GSG1L2: variants seen among roughly 807,000 people sequenced by gnomAD.
GSG1L2 encodes GSG1 like 2, also known as germ cell-specific gene 1-like protein 2.
GSG1L2 carries 15 observed loss-of-function variants against 9.0 expected under a neutral mutation model. The observed-to-expected ratio is 1.67, with a 90% CI of 1.12 to 2.57. GSG1L2 has a LOEUF of 2.57. Among genes scored for constraint, GSG1L2 ranks in the 30% most tolerant of loss-of-function variants. GSG1L2 has a pLI of 0.00. For missense variants in GSG1L2, 286 were observed against 150.3 expected, an observed-to-expected ratio of 1.90 and a Z score of -4.72; for synonymous variants, 127 against 57.9, an observed-to-expected ratio of 2.19 and a Z score of -5.41.
chr17:9,810,410 AT>A, intron 2 of GSG1L2, 160 bp downstream of exon 2: 1 of 615,932 alleles, frequency 1.6e-6, no homozygotes, highest in South Asian at 1.9e-5. Context: ...ACCACTGGCT[AT>A]AGGGCACAGG....
intron 4 of GSG1L2, 89 bp from the exon 5 acceptor site, chr17:9,802,733 A>G (rs766398728): frequency 1.5e-6 from 1 of 648,528 alleles, no homozygotes; most frequent in South Asian, 1.7e-5. Context: ...AATCTGGAGA[A>G]AACAACAGCT....
intron 4 of GSG1L2, 68 bp from the exon 5 acceptor site, chr17:9,802,712 G>C: frequency 3.0e-6 from 2 of 669,380 alleles, no homozygotes; most frequent in East Asian, 2.7e-5. Context: ...GTTTTCTCCA[G>C]ACTGGGGGTC....
Position 9,820,279 on chromosome 17 carries a change from T to C in GSG1L2, c.310+1483A>G, listed in dbSNP as rs2066583925. 6.6e-6 allele frequency among the ~76,000 whole-genome samples: 1 copy of C among 152,132 alleles called. No individual in the cohort carries two copies. Among genetic ancestry groups the C allele is most frequent in the African/African-American group, 2.4e-5 (1 of 41,436 alleles). On this transcript the variant is annotated intron_variant, in intron 1 of 4. Coordinates refer to ENST00000399363, the MANE Select transcript of GSG1L2 (RefSeq NM_001310219.2). The surrounding 1 kb of genome is among the most constrained non-coding windows in gnomAD (Gnocchi z 4.9). ...GTGGAAACAGAAGTACTATAGGCAG[T>C]CCTCATATGAGAACTTGGAAAGGAG...
At chr17:9,802,876 T>A (rs1266137762) in intron 4 of GSG1L2, among the ~76,000 whole-genome samples, 1 of 152,166 alleles carries the variant, frequency 6.6e-6, no homozygotes, top group African/African-American at 2.4e-5. Flanking sequence ...GGCCCCACCT[T>A]GTATTAACCA....
Position 9,820,656 on chromosome 17 carries a change from T to A in GSG1L2, c.310+1106A>T, listed in dbSNP as rs2066585470. ...GGGAGGGACATACAGCACCTCTGAG[T>A]GTTCCTTTTTTTTTTTTTTTAATTT... On this transcript the variant is annotated intron_variant, in intron 1 of 4. Coordinates refer to ENST00000399363, the MANE Select transcript of GSG1L2 (RefSeq NM_001310219.2). This position sits in a 1 kb window ranked among gnomAD's most constrained non-coding sequence, Gnocchi z 4.9. Among the ~76,000 whole-genome samples, 1 of 111,120 alleles carries A rather than the reference T, an allele frequency of 9.0e-6. No individual in the cohort carries two copies. Among genetic ancestry groups the A allele is most frequent in the South Asian group, 2.6e-4 (1 of 3,798 alleles). The allele number at this position is 111,120 out of a possible 152,430, so 72.9% of individuals were successfully genotyped here.
intron 1 of GSG1L2, among the ~76,000 whole-genome samples, chr17:9,816,761 G>A (rs1003050396): frequency 5.7e-5 from 6 of 104,946 alleles, no homozygotes; most frequent in Non-Finnish European, 9.3e-5. Context: ...GTGTATCTGT[G>A]TCTGTGTGTG....
At chr17:9,812,179 C>G (rs937909527) in intron 1 of GSG1L2, among the ~76,000 whole-genome samples, 1 of 152,138 alleles carries the variant, frequency 6.6e-6, no homozygotes, top group Non-Finnish European at 1.5e-5. Flanking sequence ...CTAAGCAACC[C>G]CAAGGGCAAG....
At chr17:9,805,416 G>A (rs1298538338) in intron 4 of GSG1L2, 1 of 152,100 alleles carries the variant, frequency 6.6e-6, no homozygotes, top group Non-Finnish European at 1.5e-5. Context: ...GAATCGTGTT[G>A]GACTCTTGAC....
intron 1 of GSG1L2, 65 bp downstream of exon 1, chr17:9,821,697 C>A: frequency 1.5e-6 from 1 of 676,950 alleles, no homozygotes; most frequent in Non-Finnish European, 2.7e-6. Flanking sequence ...ACCCAGACAG[C>A]CTGGCTCCAG....
chr17:9,809,403 A>C lies in GSG1L2; in HGVS notation c.359-421T>G, dbSNP rs147906435. 995 of 209,348 alleles carry C rather than the reference A, an allele frequency of 4.8e-3. 10 individuals are homozygous for C. The highest frequency in any genetic ancestry group is 0.022 in the African/African-American group (939 of 43,322). 13.0% of individuals were successfully genotyped at this position (209,348 alleles called of 1,614,324 possible). ...AGCTCTTAAAGGTGGCACAGACCCA[A>C]AGAGTGAGCGGTAGCAAGGTTTATT... On this transcript the variant is annotated intron_variant, in intron 2 of 4. Coordinates refer to ENST00000399363, the MANE Select transcript of GSG1L2 (RefSeq NM_001310219.2).
rs777683910 is a variant in GSG1L2, at chr17:9,822,016, A to C, written c.56T>G (p.Leu19Arg). 4 of 702,974 alleles carry C rather than the reference A, an allele frequency of 5.7e-6. No individual in the cohort carries two copies. In the South Asian group the frequency reaches 5.9e-5, roughly 10 times the overall value. 43.5% of individuals were successfully genotyped at this position (702,974 alleles called of 1,614,324 possible). A position where few individuals can be genotyped will look rare whatever the true frequency, so the allele number is the denominator to read the frequency against. The change falls in exon 1 of 5, where the codon CTC becomes CGC. Residue 19 changes from leucine (L) to arginine (R), a missense_variant. Coordinates refer to ENST00000399363, the MANE Select transcript of GSG1L2 (RefSeq NM_001310219.2). ...ALLLLPVCLA[L>R]TFSLTAVVSS... ...GACCACGGCGGTGAGGGAGAAGGTG[A>C]GGGCGAGGCAGACAGGGAGGAGGAG...
At chr17:9,811,623 A>G (rs1197149123) in intron 1 of GSG1L2, among the ~76,000 whole-genome samples, 4 of 152,158 alleles carry the variant, frequency 2.6e-5, no homozygotes, top group African/African-American at 9.7e-5. Context: ...CTCTCTACTA[A>G]CACGTCAGCC....
intron 1 of GSG1L2, among the ~76,000 whole-genome samples, chr17:9,811,451 G>GC (rs2066538526): frequency 1.3e-5 from 2 of 152,194 alleles, no homozygotes; most frequent in Admixed American, 6.5e-5. Flanking sequence ...AAAATCTTGA[G>GC]CCACAGCCTT....
chr17:9,812,185 G>T (rs914899825), intron 1 of GSG1L2, among the ~76,000 whole-genome samples: 1 of 152,140 alleles, frequency 6.6e-6, no homozygotes, highest in Admixed American at 6.5e-5. Context: ...AACCCCAAGG[G>T]CAAGGTTCAT....
At chr17:9,821,410 C>CGA (rs914442873) in intron 1 of GSG1L2, among the ~76,000 whole-genome samples, 3 of 143,628 alleles carry the variant, frequency 2.1e-5, no homozygotes, top group African/African-American at 9.0e-5. Flanking sequence ...CAAGAACAAA[C>CGA]GAGAAACTAA....
chr17:9,816,476 C>G (rs1163938643), intron 1 of GSG1L2, among the ~76,000 whole-genome samples: 2 of 135,818 alleles, frequency 1.5e-5, no homozygotes, highest in Admixed American at 1.4e-4. Context: ...GTGTGCGTGT[C>G]TGTGTGTGTG....
Position 9,808,985 on chromosome 17 carries a change from G to C in GSG1L2, c.359-3C>G, listed in dbSNP as rs1486906508. 2.8e-6 allele frequency: 2 copies of C among 702,898 alleles called. No individual in the cohort carries two copies. The highest frequency in any genetic ancestry group is 5.4e-5 in the East Asian group (2 of 37,308). 43.5% of individuals were successfully genotyped at this position (702,898 alleles called of 1,614,324 possible). ...CCCGATGGACAGCCACAAAACACCT[G>C]CCAAAGAACGGGATGTTGGAAACGC... On this transcript the variant is annotated splice_polypyrimidine_tract_variant and splice_region_variant and intron_variant, in intron 2 of 4. Transcript: ENST00000399363.
intron 1 of GSG1L2, among the ~76,000 whole-genome samples, chr17:9,816,103 G>A (rs1164384962): frequency 2.0e-5 from 3 of 152,160 alleles, no homozygotes; most frequent in South Asian, 2.1e-4. Flanking sequence ...GTGCTCCCTC[G>A]ACCGTGGATT....
intron 1 of GSG1L2, among the ~76,000 whole-genome samples, chr17:9,813,494 A>G (rs995563359): frequency 2.6e-5 from 4 of 152,208 alleles, no homozygotes; most frequent in African/African-American, 7.2e-5. Context: ...CAGCATTTCA[A>G]TTAAGTCACT....
Sources: allele counts gnomAD v4.1 joint callset (sites outside exome capture counted in the v4.1 genomes callset), GRCh38; gene constraint gnomAD v4.1.1; non-coding constraint Gnocchi (gnomAD v3.1); transcripts MANE v1.5; gene names NCBI Gene and HGNC (gene_info 2026-07-23, HGNC 2026-07-21).